Variants in ROR1 observed in about 807,000 individuals in gnomAD.
The protein encoded by ROR1 is inactive tyrosine-protein kinase transmembrane receptor ROR1.
ROR1 carries 19 observed loss-of-function variants against 78.8 expected under a neutral mutation model. The ratio of observed to expected loss-of-function variants is 0.24; its 90% CI spans 0.17 to 0.35. The LOEUF (loss-of-function observed/expected upper bound fraction) is 0.35, where lower values mean the gene tolerates loss of function less well. Ranked by LOEUF, ROR1 falls within the 10% of genes least tolerant of loss-of-function variation. The pLI is 1.00. For synonymous variants in ROR1, 386 were observed against 433.6 expected (o/e 0.89, Z 1.36); for missense variants, 917 against 1,177.8 (o/e 0.78, Z 3.24).
chr1:63,997,376 G>T (rs1646345791), intron 1 of ROR1, among the ~76,000 whole-genome samples: 1 of 152,184 alleles, frequency 6.6e-6, no homozygotes, highest in Non-Finnish European at 1.5e-5. Flanking sequence ...CCAATTAAGA[G>T]AACCTTCAAG....
chr1:63,911,907 T>C (rs1357266188), intron 1 of ROR1, among the ~76,000 whole-genome samples: 1 of 152,114 alleles, frequency 6.6e-6, no homozygotes, highest in Non-Finnish European at 1.5e-5. Flanking sequence ...CAGTGGATTT[T>C]CTACTCATTC....
intron 2 of ROR1, among the ~76,000 whole-genome samples, chr1:64,019,224 G>T (rs1646545375): frequency 1.3e-5 from 2 of 152,190 alleles, no homozygotes; most frequent in South Asian, 4.1e-4. Flanking sequence ...ATTCTAACAA[G>T]TGATTAATAC....
intron 1 of ROR1, among the ~76,000 whole-genome samples, chr1:63,921,927 A>G (rs539111426): frequency 6.6e-6 from 1 of 152,262 alleles, no homozygotes; most frequent in East Asian, 1.9e-4. Flanking sequence ...AAAAATATAG[A>G]GTCTGTCTTC....
At chr1:64,167,219 A>G (rs1175349970) in intron 8 of ROR1, among the ~76,000 whole-genome samples, 3 of 152,198 alleles carry the variant, frequency 2.0e-5, no homozygotes, top group Non-Finnish European at 4.4e-5. Context: ...GCTCAAGCTG[A>G]CATTAAAATT....
At chr1:63,911,914 A>C (rs705525) in intron 1 of ROR1, among the ~76,000 whole-genome samples, 100,798 of 151,896 alleles carry the variant, frequency 0.66, 37,585 homozygotes, top group East Asian at 0.96. Context: ...TTTTCTACTC[A>C]TTCAGCAAAC....
intron 1 of ROR1, among the ~76,000 whole-genome samples, chr1:63,880,201 C>A (rs1281383863): frequency 6.6e-6 from 1 of 152,066 alleles, no homozygotes; most frequent in African/African-American, 2.4e-5. Flanking sequence ...GAGAACAGTG[C>A]CTGGTTCAAA....
rs576430431 is a variant in ROR1, at chr1:64,030,423, C to T, written c.164-19268C>T. 2.8e-3 allele frequency among the ~76,000 whole-genome samples: 430 copies of T among 152,302 alleles called. 3 individuals carry two copies. Among genetic ancestry groups the T allele is most frequent in the Non-Finnish European group, 3.4e-3 (230 of 68,028 alleles). On this transcript the variant is annotated intron_variant, in intron 2 of 8. Transcript: ENST00000371079. ...ACTAACACTCATTGATAATCAGTTG[C>T]TAAACTGCTGCTTTACAATTTCCAC...
rs74931601 is a variant in ROR1 at position 64,156,358 on chromosome 1, C to G, written c.1175-2623C>G. On this transcript the variant is annotated intron_variant, in intron 7 of 8. Transcript: ENST00000371079. ...CTATCTATAGGCATGTAGACACAAT[C>G]ATTACTGGTGCAACCAGCACTGACT... 2.1e-3 allele frequency among the ~76,000 whole-genome samples: 324 copies of G among 152,344 alleles called. 7 individuals carry two copies. Among genetic ancestry groups the G allele is most frequent in the African/African-American group, 7.5e-3 (312 of 41,580 alleles).
At chr1:64,139,984 G>A in intron 5 of ROR1, 125 bp from the exon 6 acceptor site, 1 of 835,906 alleles carries the variant, frequency 1.2e-6, no homozygotes, top group Non-Finnish European at 1.9e-6. Context: ...TCCTTCTCTG[G>A]GCCTTGTCTG....
At chr1:63,846,160 GTGT>G (rs1645079992) in intron 1 of ROR1, among the ~76,000 whole-genome samples, 1 of 116,174 alleles carries the variant, frequency 8.6e-6, no homozygotes, top group Admixed American at 8.1e-5. Context: ...GTGTGTGTGT[GTGT>G]GTGTGTGTTT....
intron 1 of ROR1, among the ~76,000 whole-genome samples, chr1:63,782,010 GA>G (rs1212597999): frequency 6.6e-6 from 1 of 152,162 alleles, no homozygotes; most frequent in Non-Finnish European, 1.5e-5. Flanking sequence ...GTCTCATCAT[GA>G]ACTATAGCGC....
At chr1:63,815,478 CTTTTTCTT>C (rs1172084283) in intron 1 of ROR1, among the ~76,000 whole-genome samples, 5 of 103,508 alleles carry the variant, frequency 4.8e-5, no homozygotes, top group African/African-American at 2.6e-4. Flanking sequence ...CTTTTCTTTT[CTTTTTCTT>C]TTTTTTTTTT....
Position 64,049,957 on chromosome 1 carries a change from GGAGTCTTGTTT to G in ROR1, c.432_442del (p.Val145GlnfsTer15). The G allele has an allele frequency of 6.2e-7, 1 of 1,614,178 alleles. No individual in the cohort carries two copies. Among genetic ancestry groups the G allele is most frequent in the Non-Finnish European group, 8.5e-7 (1 of 1,180,036 alleles). ...CGGCAAGGAGGTGGTTTCTTCCACT[GGAGTCTTGTTT>G]GTCAAGTTTGGTAAGCAGACCCCTA... On this transcript the variant is annotated frameshift_variant, in exon 3 of 9. Coordinates refer to ENST00000371079, the MANE Select transcript of ROR1 (RefSeq NM_005012.4). LOFTEE classifies it high-confidence loss of function.
chr1:63,877,057 C>T (rs183862987), intron 1 of ROR1, among the ~76,000 whole-genome samples: 16 of 152,146 alleles, frequency 1.1e-4, no homozygotes, highest in Admixed American at 2.6e-4. Context: ...CAATGATTAG[C>T]GCTAACTTTC....
At chr1:63,964,986 C>T (rs1451718899) in intron 1 of ROR1, among the ~76,000 whole-genome samples, 1 of 152,210 alleles carries the variant, frequency 6.6e-6, no homozygotes, top group Non-Finnish European at 1.5e-5. Flanking sequence ...CTGTGTTCAA[C>T]TTTCCTTATG....
At chr1:63,940,035 C>T (rs1557572962) in intron 1 of ROR1, among the ~76,000 whole-genome samples, 1 of 152,098 alleles carries the variant, frequency 6.6e-6, no homozygotes, top group East Asian at 1.9e-4. Flanking sequence ...TCTGAAAGTG[C>T]ACTGTTGTGA....
In ROR1 at chr1:63,810,057, G is replaced by T. The variant is rs376401902; in HGVS notation, c.91+35549G>T. Among the ~76,000 whole-genome samples the T allele has an allele frequency of 5.9e-5, 9 of 152,298 alleles. No homozygotes were observed. In the East Asian group the frequency reaches 1.3e-3, roughly 23 times the overall value. Reference sequence around the variant, plus strand: ...TGCCCAGGTTCAATGGAGTTTAAAGGCCAGGTGTTTGTGTAGGGGAAGGAA... The same window carrying T: ...TGCCCAGGTTCAATGGAGTTTAAAGTCCAGGTGTTTGTGTAGGGGAAGGAA... On this transcript the variant is annotated intron_variant, in intron 1 of 8. Coordinates refer to ENST00000371079, the MANE Select transcript of ROR1 (RefSeq NM_005012.4).
intron 8 of ROR1, among the ~76,000 whole-genome samples, chr1:64,170,124 G>A (rs1170285236): frequency 2.0e-5 from 3 of 152,182 alleles, no homozygotes; most frequent in Non-Finnish European, 4.4e-5. Context: ...ACTAGGCAGT[G>A]CCCCATTAGG....
intron 1 of ROR1, among the ~76,000 whole-genome samples, chr1:63,961,207 G>T (rs1012987141): frequency 1.3e-5 from 2 of 152,068 alleles, no homozygotes; most frequent in African/African-American, 4.8e-5. Context: ...GCAAGGATGT[G>T]GAAAACGGGG....
Sources: gnomAD v4.1 joint callset for allele counts (sites outside exome capture counted in the v4.1 genomes callset) on GRCh38, gnomAD v4.1.1 for gene constraint, MANE v1.5 for transcripts, NCBI Gene and HGNC (gene_info 2026-07-23, HGNC 2026-07-21) for gene names.